IBTK: variants seen among roughly 807,000 people sequenced by gnomAD.
The protein encoded by IBTK is inhibitor of Bruton tyrosine kinase, also known as BTK-binding protein.
IBTK carries 83 observed loss-of-function variants against 154.9 expected under a neutral mutation model. The observed-to-expected ratio is 0.54, with a 90% CI of 0.45 to 0.64. The LOEUF (loss-of-function observed/expected upper bound fraction) is 0.64, where lower values mean the gene tolerates loss of function less well. IBTK is among the 30% of genes least tolerant of loss of function. IBTK has a pLI of 0.00. For synonymous variants in IBTK, 515 were observed against 536.1 expected (o/e 0.96, Z 0.54); for missense variants, 1,332 against 1,584.6 (o/e 0.84, Z 2.71).
chr6:82,216,304 A>G, intron 10 of IBTK, 54 bp from the exon 11 acceptor site: 1 of 1,123,350 alleles, frequency 8.9e-7, no homozygotes, highest in Non-Finnish European at 1.3e-6. Context: ...AACTACTAAA[A>G]TGATTGAGAA....
intron 12 of IBTK, among the ~76,000 whole-genome samples, chr6:82,213,742 C>G (rs1334175328): frequency 6.6e-6 from 1 of 152,140 alleles, no homozygotes; most frequent in Non-Finnish European, 1.5e-5. Flanking sequence ...CCACCAACAG[C>G]TTTCCTATCC....
At chr6:82,175,111 T>C (rs1413117011) in intron 26 of IBTK, 10 of 375,832 alleles carry the variant, frequency 2.7e-5, no homozygotes, top group Non-Finnish European at 3.8e-5. Context: ...TTCATCTTTG[T>C]ATCTCAGTGT....
Position 82,224,179 on chromosome 6 carries a change from C to T in IBTK, c.832G>A (p.Ala278Thr). 1.2e-6 allele frequency: 2 copies of T among 1,611,542 alleles called. No individual in the cohort carries two copies. Among genetic ancestry groups the T allele is most frequent in the Non-Finnish European group, 1.7e-6 (2 of 1,177,776 alleles). Residue 278 changes from alanine to threonine, a missense_variant, in exon 7 of 29, where the codon GCA becomes ACA. Physicochemically the swap from Ala to Thr is moderately conservative, Grantham distance 58. Transcript: ENST00000306270. ...ATTGTCCTTCCTTTCAGATATTTTG[C>T]CTGTATCTATTTAAAGACAAATAAA... ...SSCNVPRQIQ[A>T]KYLKGRTIIG...
Position 82,196,801 on chromosome 6 carries a change from C to T in IBTK, c.3026-355G>A, listed in dbSNP as rs576610325. ...AAAGGGAAAATAATTAAAATCCAGA[C>T]CTCTTTTCCCTTTCTCATCTGTCTC... On this transcript the variant is annotated intron_variant, in intron 21 of 28. Coordinates refer to ENST00000306270, the MANE Select transcript of IBTK (RefSeq NM_015525.4). Among the ~76,000 whole-genome samples the T allele has an allele frequency of 5.3e-5, 8 of 152,272 alleles. No individual in the cohort carries two copies. The South Asian group carries it at 1.7e-3, about 32-fold the overall frequency.
Position 82,196,465 on chromosome 6 carries a change from A to C in IBTK, c.3026-19T>G. ...AATAATCCTAAAACATGAAATTAAAAAAAATTAAACACATATGCATTAAAC... is the reference window on the plus strand; with the variant it reads ...AATAATCCTAAAACATGAAATTAAACAAAATTAAACACATATGCATTAAAC... On this transcript the variant is annotated intron_variant, in intron 21 of 28. Transcript: ENST00000306270. 6.4e-7 allele frequency: 1 copy of C among 1,566,780 alleles called. No homozygotes were observed. Among genetic ancestry groups the C allele is most frequent in the East Asian group, 2.3e-5 (1 of 44,260 alleles).
In IBTK at chr6:82,217,973, A is replaced by G; in HGVS notation, c.1413T>C (p.Ser471=). 1 of 1,594,662 alleles carries G rather than the reference A, an allele frequency of 6.3e-7. No homozygotes were observed. Among genetic ancestry groups the G allele is most frequent in the East Asian group, 2.2e-5 (1 of 44,524 alleles). Residue 471 remains serine, a synonymous_variant, in exon 10 of 29, where the codon AGT becomes AGC. Transcript: ENST00000306270. ...RGRWFEEKRK[S]SEKKEILSNL... The stretch of plus-strand genomic sequence containing the variant: ...ATATGAACTGACCTTTCTTTTCAGA[A>G]CTCTTTCTTTTCTCTTCAAACCATC...
At chr6:82,226,045 A>G (rs1211195739) in intron 5 of IBTK, among the ~76,000 whole-genome samples, 1 of 152,100 alleles carries the variant, frequency 6.6e-6, no homozygotes, top group Non-Finnish European at 1.5e-5. Flanking sequence ...ATTCCTTTGG[A>G]GTCATTTATC....
chr6:82,194,365 C>T, intron 23 of IBTK, 114 bp downstream of exon 23: 1 of 826,988 alleles, frequency 1.2e-6, no homozygotes, highest in South Asian at 3.3e-5. Context: ...ATTTTCTGTG[C>T]ATTAGAAATT....
At chr6:82,174,731 T>C (rs1283793042) in intron 26 of IBTK, among the ~76,000 whole-genome samples, 1 of 152,150 alleles carries the variant, frequency 6.6e-6, no homozygotes, top group Admixed American at 6.5e-5. Flanking sequence ...ATCTTTGCAA[T>C]ACCCTGTGAA....
intron 1 of IBTK, among the ~76,000 whole-genome samples, chr6:82,244,900 T>C (rs1383896267): frequency 1.3e-5 from 2 of 152,194 alleles, no homozygotes; most frequent in East Asian, 3.9e-4. Flanking sequence ...TCTGCTACGT[T>C]ACACTGTCTT....
rs1042891013 is a variant in IBTK at position 82,179,498 on chromosome 6, C to T, written c.3725+2381G>A. Among the ~76,000 whole-genome samples the T allele has an allele frequency of 5.9e-5, 9 of 152,158 alleles. No individual in the cohort carries two copies. The East Asian group carries it at 9.6e-4, about 16-fold the overall frequency. On this transcript the variant is annotated intron_variant, in intron 26 of 28. Transcript: ENST00000306270. ...TTTTGAGACTTTAGTACATGTCTGA[C>T]GACTGAACATATGCTCATTAAATGG...
intron 2 of IBTK, among the ~76,000 whole-genome samples, chr6:82,236,759 C>A (rs6939334): frequency 0.17 from 26,553 of 152,168 alleles, 2,367 homozygotes; most frequent in African/African-American, 0.18. Flanking sequence ...AGTGCTACAG[C>A]TGACATCAGA....
At chr6:82,185,383 CA>C (rs1347081463) in intron 25 of IBTK, among the ~76,000 whole-genome samples, 2 of 150,548 alleles carry the variant, frequency 1.3e-5, no homozygotes, top group African/African-American at 4.9e-5. Flanking sequence ...TATACAGACC[CA>C]TCTCTACAAC....
intron 26 of IBTK, among the ~76,000 whole-genome samples, chr6:82,174,459 G>A (rs555665496): frequency 1.1e-4 from 16 of 152,160 alleles, no homozygotes; most frequent in African/African-American, 3.4e-4. Context: ...CTGAGGAGAC[G>A]TACAATTAGA....
chr6:82,247,478 T>A (rs1273005055), intron 1 of IBTK, 84 bp downstream of exon 1: 2 of 397,154 alleles, frequency 5.0e-6, no homozygotes, highest in African/African-American at 4.1e-5. Context: ...ACCCGCACCC[T>A]CCAGAAGGCG....
chr6:82,234,390 A>G (rs9449454), intron 2 of IBTK, 135 bp from the exon 3 acceptor site: 59,275 of 234,298 alleles, frequency 0.25, 7,675 homozygotes, highest in African/African-American at 0.32. Flanking sequence ...GGCTGGAGTG[A>G]TGCAATGGCG....
At chr6:82,231,177 C>T (rs1221456905) in intron 4 of IBTK, among the ~76,000 whole-genome samples, 1 of 152,168 alleles carries the variant, frequency 6.6e-6, no homozygotes, top group Non-Finnish European at 1.5e-5. Flanking sequence ...AGACTGCTGT[C>T]ATCCAACTTC....
At chr6:82,229,689 C>T (rs1483556843) in intron 4 of IBTK, among the ~76,000 whole-genome samples, 1 of 152,096 alleles carries the variant, frequency 6.6e-6, no homozygotes. Context: ...TCTTGCTCAC[C>T]CCTCTCACAT....
chr6:82,241,610 G>GA (rs1195432624), intron 1 of IBTK, among the ~76,000 whole-genome samples: 1 of 152,184 alleles, frequency 6.6e-6, no homozygotes, highest in African/African-American at 2.4e-5. Flanking sequence ...AGCACTGGAT[G>GA]AAAATACAAA....
Sources: allele counts gnomAD v4.1 joint callset (sites outside exome capture counted in the v4.1 genomes callset), GRCh38; gene constraint gnomAD v4.1.1; transcripts MANE v1.5; gene names NCBI Gene and HGNC (gene_info 2026-07-23, HGNC 2026-07-21).